Variants in FRAS1 observed in about 807,000 individuals in gnomAD.
The protein encoded by FRAS1 is Fraser extracellular matrix complex subunit 1.
Under a neutral mutation model 435.2 loss-of-function variants are expected in FRAS1, and 290 were observed. That is an observed-to-expected ratio of 0.67 (90% CI 0.61 to 0.73). The LOEUF (loss-of-function observed/expected upper bound fraction) is 0.73, where lower values mean the gene tolerates loss of function less well. FRAS1 is among the 30% of genes least tolerant of loss of function. The probability of loss-of-function intolerance (pLI) is 0.00; values close to 1 mark genes in which losing one functional copy is unlikely to be tolerated. For synonymous variants in FRAS1, 1,800 were observed against 1,851.0 expected (o/e 0.97, Z 0.71); for missense variants, 4,860 against 5,001.5 (o/e 0.97, Z 0.85).
chr4:78,167,567 T>C (rs564587203), intron 2 of FRAS1, among the ~76,000 whole-genome samples: 1 of 152,178 alleles, frequency 6.6e-6, no homozygotes, highest in Admixed American at 6.5e-5. Flanking sequence ...AACTGGCACT[T>C]ACTATGTGAT....
At chr4:78,472,459 A>G in intron 52 of FRAS1, 129 bp downstream of exon 52, 1 of 671,640 alleles carries the variant, frequency 1.5e-6, no homozygotes, top group African/African-American at 1.8e-5. Flanking sequence ...GAGATCTTCT[A>G]GTGCTTAACC....
At chr4:78,128,589 G>T (rs1257891096) in intron 2 of FRAS1, among the ~76,000 whole-genome samples, 20 of 152,128 alleles carry the variant, frequency 1.3e-4, no homozygotes, top group South Asian at 4.2e-4. Flanking sequence ...TCACCCACTT[G>T]TTGATGGGGT....
At chr4:78,483,531 T>G (rs1353527) in intron 58 of FRAS1, among the ~76,000 whole-genome samples, 1 of 151,836 alleles carries the variant, frequency 6.6e-6, no homozygotes, top group South Asian at 2.1e-4. Context: ...TCCTAGCAGC[T>G]GAGAAGTCCT....
chr4:78,389,412 C>G (rs1448091905), intron 29 of FRAS1, among the ~76,000 whole-genome samples: 1 of 152,084 alleles, frequency 6.6e-6, no homozygotes, highest in Non-Finnish European at 1.5e-5. Context: ...TGAAGGTGAA[C>G]AGCTGAATCT....
At chr4:78,188,665 A>T (rs1722393729) in intron 2 of FRAS1, among the ~76,000 whole-genome samples, 1 of 152,224 alleles carries the variant, frequency 6.6e-6, no homozygotes, top group African/African-American at 2.4e-5. Flanking sequence ...TGATTGAATA[A>T]CTGGGGACTG....
At chr4:78,076,201 A>C (rs2109867453) in intron 2 of FRAS1, among the ~76,000 whole-genome samples, 1 of 152,024 alleles carries the variant, frequency 6.6e-6, no homozygotes. Flanking sequence ...AAAAAGAGAG[A>C]TCAATTTGCA....
chr4:78,224,634 G>A (rs1232297409), intron 2 of FRAS1, among the ~76,000 whole-genome samples: 1 of 152,074 alleles, frequency 6.6e-6, no homozygotes, highest in Non-Finnish European at 1.5e-5. Context: ...CCAGTCTCAA[G>A]CAATCCCCCC....
At chr4:78,113,463 A>G (rs146733920) in intron 2 of FRAS1, among the ~76,000 whole-genome samples, 32,895 of 151,884 alleles carry the variant, frequency 0.22, 3,911 homozygotes, top group Admixed American at 0.29. Flanking sequence ...AAGTGTTCCT[A>G]TTTCTCCACA....
chr4:78,154,962 G>A (rs1001930955), intron 2 of FRAS1, among the ~76,000 whole-genome samples: 1 of 152,326 alleles, frequency 6.6e-6, no homozygotes, highest in Non-Finnish European at 1.5e-5. Context: ...AATAGAGGCA[G>A]TGGAGTAGCA....
chr4:78,296,538 T>C (rs1018949814), intron 14 of FRAS1, among the ~76,000 whole-genome samples: 1 of 152,202 alleles, frequency 6.6e-6, no homozygotes, highest in African/African-American at 2.4e-5. Flanking sequence ...GAAGTGGTCT[T>C]TCAGGAATCA....
At chr4:78,344,768 C>T (rs996218066) in intron 20 of FRAS1, among the ~76,000 whole-genome samples, 3 of 152,056 alleles carry the variant, frequency 2.0e-5, no homozygotes, top group Non-Finnish European at 4.4e-5. Flanking sequence ...CATGTACATG[C>T]GTTTCCATTG....
intron 2 of FRAS1, among the ~76,000 whole-genome samples, chr4:78,146,221 C>A (rs28542863): frequency 0.049 from 7,455 of 152,062 alleles, 254 homozygotes; most frequent in Admixed American, 0.083. Flanking sequence ...ACAGCAGTCC[C>A]CTATACAAGT....
chr4:78,237,614 G>A lies in FRAS1; in HGVS notation c.213G>A (p.Glu71=). 1.3e-6 allele frequency: 2 copies of A among 1,582,188 alleles called. No homozygotes were observed. Among genetic ancestry groups the A allele is most frequent in the Non-Finnish European group, 1.7e-6 (2 of 1,154,414 alleles). The change falls in exon 3 of 74, where the codon GAG becomes GAA. Residue 71 remains glutamate, a synonymous_variant. Transcript: ENST00000512123. ...AVCRNPQCAF[E]KGEVLQIAAN... ...GCAGAAACCCTCAATGTGCCTTTGA[G>A]AAGGTACGGTATCCTAATTGTGTCC...
intron 9 of FRAS1, among the ~76,000 whole-genome samples, chr4:78,278,034 C>T (rs35290872): frequency 0.29 from 44,167 of 151,852 alleles, 7,023 homozygotes; most frequent in East Asian, 0.38. Context: ...CTCCTGACCT[C>T]GTGATCCGCC....
At chr4:78,333,093 T>A (rs12643222) in intron 18 of FRAS1, among the ~76,000 whole-genome samples, 179 bp from the exon 19 acceptor site, 8,114 of 152,148 alleles carry the variant, frequency 0.053, 377 homozygotes, top group East Asian at 0.27. Context: ...CACAAATGCT[T>A]GCTTTGCAGG....
chr4:78,387,569 G>A lies in FRAS1; in HGVS notation c.3843G>A (p.Leu1281=), dbSNP rs369004165. ...SPATPIYQFQ[L]DELSRGLLHY... ...CAACCCCTATCTATCAATTCCAGCT[G>A]GATGAACTCTCTAGAGGCCTTCTCC... The change falls in exon 29 of 74, where the codon CTG becomes CTA. Residue 1281 remains leucine, a synonymous_variant. Coordinates refer to ENST00000512123, the MANE Select transcript of FRAS1 (RefSeq NM_025074.7). 105 of 1,613,620 alleles carry A rather than the reference G, an allele frequency of 6.5e-5. No homozygotes were observed. The highest frequency in any genetic ancestry group is 4.8e-4 in the Admixed American group (29 of 59,968).
At chr4:78,301,134 G>GT (rs1299677456) in intron 14 of FRAS1, among the ~76,000 whole-genome samples, 1 of 152,118 alleles carries the variant, frequency 6.6e-6, no homozygotes, top group East Asian at 1.9e-4. Flanking sequence ...AATTACTAAG[G>GT]TAGGGTTACC....
chr4:78,328,054 C>T (rs966852526), intron 18 of FRAS1, among the ~76,000 whole-genome samples: 2 of 152,178 alleles, frequency 1.3e-5, no homozygotes, highest in African/African-American at 4.8e-5. Flanking sequence ...TGAAGACTGT[C>T]ATGGCAACGT....
intron 2 of FRAS1, among the ~76,000 whole-genome samples, chr4:78,170,851 C>G (rs1721519889): frequency 6.6e-6 from 1 of 152,044 alleles, no homozygotes; most frequent in African/African-American, 2.4e-5. Context: ...ACTGCATCCT[C>G]AGGTGAAATT....
Sources: gnomAD v4.1 joint callset for allele counts (sites outside exome capture counted in the v4.1 genomes callset) on GRCh38, gnomAD v4.1.1 for gene constraint, MANE v1.5 for transcripts, NCBI Gene and HGNC (gene_info 2026-07-23, HGNC 2026-07-21) for gene names.